Variants in SLC66A1 observed in about 807,000 individuals in gnomAD.
SLC66A1 encodes solute carrier family 66 member 1.
SLC66A1 carries 23 observed loss-of-function variants against 33.0 expected under a neutral mutation model. The observed-to-expected ratio is 0.70, with a 90% CI of 0.50 to 0.99. The LOEUF is 0.99. Ranked by LOEUF, SLC66A1 falls within the 50% of genes least tolerant of loss-of-function variation. The pLI, the probability that SLC66A1 is intolerant of heterozygous loss-of-function variation, is 0.00. For synonymous variants in SLC66A1, 164 were observed against 175.5 expected (o/e 0.93, Z 0.52); for missense variants, 335 against 383.6 (o/e 0.87, Z 1.06).
chr1:19,327,496 T>TCTTCCTCC (rs2093874523), intron 7 of SLC66A1, 84 bp downstream of exon 7: 2 of 1,361,694 alleles, frequency 1.5e-6, no homozygotes, highest in Non-Finnish European at 2.0e-6. Context: ...CTCATCCGTC[T>TCTTCCTCC]CTTCCTCCCT....
chr1:19,313,756 C>A (rs1454121425), intron 1 of SLC66A1, among the ~76,000 whole-genome samples: 2 of 152,178 alleles, frequency 1.3e-5, no homozygotes, highest in Non-Finnish European at 2.9e-5. Flanking sequence ...AACTTGAGGC[C>A]TAGCCTCAGG....
intron 2 of SLC66A1, 143 bp from the exon 3 acceptor site, chr1:19,324,488 CGT>C: frequency 3.1e-6 from 3 of 970,052 alleles, no homozygotes; most frequent in Non-Finnish European, 4.6e-6. Context: ...GGATCCCGCC[CGT>C]GGGGAGGATG....
At chr1:19,333,918 CAAA>C (rs1558159201), downstream of SLC66A1, among the ~76,000 whole-genome samples, 8 of 151,604 alleles carry the variant, frequency 5.3e-5, no homozygotes, top group African/African-American at 7.3e-5. The surrounding 1 kb of genome is among the most constrained non-coding windows in gnomAD (Gnocchi z 4.2). Flanking sequence ...CAAAACAAAA[CAAA>C]ACAAAACAAA....
Position 19,327,251 on chromosome 1 carries a change from A to C in SLC66A1, c.643A>C (p.Ile215Leu). 1 of 1,613,744 alleles carries C rather than the reference A, an allele frequency of 6.2e-7. No homozygotes were observed. The highest frequency in any genetic ancestry group is 1.3e-5 in the African/African-American group (1 of 74,944). ...TNFLRKSTQG[I>L]SYSLFALVML... ...GTTCCTCCGGAAGTCCACCCAGGGG[A>C]TCTCCTACTCTCTGTTCGCGCTGGT... The change falls in exon 7 of 8, where the codon ATC becomes CTC. Residue 215 changes from isoleucine (I) to leucine (L), a missense_variant. Transcript: ENST00000375153.
chr1:19,325,638 T>TTG, intron 4 of SLC66A1, 56 bp downstream of exon 4: 1 of 825,158 alleles, frequency 1.2e-6, no homozygotes, highest in Non-Finnish European at 1.9e-6. Context: ...GGGGCAGTTG[T>TTG]GGGGGGGGGC....
chr1:19,327,129 G>T (rs1187129571), intron 6 of SLC66A1, 98 bp from the exon 7 acceptor site: 2 of 1,218,852 alleles, frequency 1.6e-6, no homozygotes, highest in Non-Finnish European at 2.4e-6. Flanking sequence ...GCTCAGAGCA[G>T]GTGCACTGTG....
rs369719745 is a variant in SLC66A1 at position 19,328,604 on chromosome 1, C to T, written c.837C>T (p.Ser279=). The change falls in exon 8 of 8, where the codon AGC becomes AGT. Residue 279 remains serine, a synonymous_variant. Transcript: ENST00000375153. The surrounding 1 kb of genome is among the most constrained non-coding windows in gnomAD (Gnocchi z 4.7). ...ISIQFLVYRR[S]TAASELEPLL... ...TCCAGTTCCTGGTGTACAGGCGCAG[C>T]ACCGCCGCCTCGGAGCTTGAGCCCC... 39 of 1,613,654 alleles carry T rather than the reference C, an allele frequency of 2.4e-5. No homozygotes were observed. Among genetic ancestry groups the T allele is most frequent in the African/African-American group, 6.7e-5 (5 of 74,932 alleles).
chr1:19,323,697 C>T (rs1004049125), intron 2 of SLC66A1, among the ~76,000 whole-genome samples: 3 of 152,100 alleles, frequency 2.0e-5, no homozygotes, highest in Admixed American at 1.3e-4. Context: ...GTGAGCCAAC[C>T]GTGTCTGGCC....
intron 7 of SLC66A1, chr1:19,327,803 C>G (rs907072365): frequency 5.4e-6 from 2 of 366,986 alleles, no homozygotes; most frequent in African/African-American, 4.2e-5. Context: ...CCCTATAAGT[C>G]TCATTGAACC....
At chr1:19,327,492 C>A (rs977242827) in intron 7 of SLC66A1, 80 bp downstream of exon 7, 1 of 1,482,058 alleles carries the variant, frequency 6.7e-7, no homozygotes, top group African/African-American at 1.4e-5. Flanking sequence ...AGCACTCATC[C>A]GTCTCTTCCT....
intron 5 of SLC66A1, 32 bp downstream of exon 5, chr1:19,326,419 G>A: frequency 6.2e-7 from 1 of 1,606,148 alleles, no homozygotes; most frequent in Non-Finnish European, 8.5e-7. Flanking sequence ...CGAAGGGATG[G>A]AGGCTGGCTC....
Position 19,328,466 on chromosome 1 carries a change from G to T in SLC66A1, c.805-106G>T. The T allele has an allele frequency of 3.9e-6, 4 of 1,023,490 alleles. No individual in the cohort carries two copies. Among genetic ancestry groups the T allele is most frequent in the Admixed American group, 2.0e-5 (1 of 50,086 alleles). The allele number at this position is 1,023,490 out of a possible 1,614,324, so 63.4% of individuals were successfully genotyped here. ...CTGGCCCTTCCCACCTGCAGCGTGG[G>T]GGTGGGAGGGAGGGGAGAGGGAGGC... On this transcript the variant is annotated intron_variant, in intron 7 of 7. Coordinates refer to ENST00000375153, the MANE Select transcript of SLC66A1 (RefSeq NM_001040125.2). The surrounding 1 kb of genome is among the most constrained non-coding windows in gnomAD (Gnocchi z 4.7).
rs527629678 is a variant in SLC66A1 at position 19,323,974 on chromosome 1, C to T, written c.165-659C>T. On this transcript the variant is annotated intron_variant, in intron 2 of 7. Coordinates refer to ENST00000375153, the MANE Select transcript of SLC66A1 (RefSeq NM_001040125.2). ...GAACTGCCCTGGGCCTTAGTGCCAC[C>T]GCCAGCTTTGGCCTCGTACCCACAC... 2.6e-5 allele frequency among the ~76,000 whole-genome samples: 4 copies of T among 152,290 alleles called. No homozygotes were observed. The East Asian group carries it at 5.8e-4, about 22-fold the overall frequency.
chr1:19,325,636 T>TGCGG (rs201929770), intron 4 of SLC66A1, 54 bp downstream of exon 4: 1 of 368,698 alleles, frequency 2.7e-6, no homozygotes, highest in African/African-American at 2.6e-5. Context: ...AGGGGGCAGT[T>TGCGG]GTGGGGGGGG....
At chr1:19,325,638 T>TGGGGGGGG in intron 4 of SLC66A1, 56 bp downstream of exon 4, 1 of 825,156 alleles carries the variant, frequency 1.2e-6, no homozygotes, top group Non-Finnish European at 1.9e-6. Context: ...GGGGCAGTTG[T>TGGGGGGGG]GGGGGGGGGC....
chr1:19,330,515 G>T (rs1433738835), downstream of SLC66A1, among the ~76,000 whole-genome samples: 2 of 152,192 alleles, frequency 1.3e-5, no homozygotes, highest in African/African-American at 4.8e-5. Context: ...CCAGAAGGTA[G>T]AAATGTCAGG....
downstream of SLC66A1, among the ~76,000 whole-genome samples, chr1:19,330,385 TG>T (rs1242732206): frequency 6.6e-6 from 1 of 152,192 alleles, no homozygotes; most frequent in Non-Finnish European, 1.5e-5. Flanking sequence ...ATGGCCATTC[TG>T]GTGCCGCAGA....
chr1:19,320,560 C>T (rs1430255542), intron 2 of SLC66A1, among the ~76,000 whole-genome samples: 1 of 151,184 alleles, frequency 6.6e-6, no homozygotes, highest in East Asian at 2.0e-4. Flanking sequence ...ACTACAGGCA[C>T]CTGCCACCAC....
At chr1:19,322,596 T>G (rs12097437) in intron 2 of SLC66A1, among the ~76,000 whole-genome samples, 1 of 152,092 alleles carries the variant, frequency 6.6e-6, no homozygotes, top group Non-Finnish European at 1.5e-5. Context: ...GTCAAGTGTT[T>G]CAAAGGAGGA....
Sources: gnomAD v4.1 joint callset for allele counts (sites outside exome capture counted in the v4.1 genomes callset) on GRCh38, gnomAD v4.1.1 for gene constraint, Gnocchi (gnomAD v3.1) non-coding constraint, MANE v1.5 for transcripts, NCBI Gene and HGNC (gene_info 2026-07-23, HGNC 2026-07-21) for gene names.